ADGRD1: variants seen among roughly 807,000 people sequenced by gnomAD.
The protein encoded by ADGRD1 is adhesion G protein-coupled receptor D1.
In ADGRD1, 77 loss-of-function variants were observed where a neutral mutation model predicts 113.4. The observed-to-expected ratio is 0.68, with a 90% CI of 0.57 to 0.82. ADGRD1 has a LOEUF of 0.82. ADGRD1 is among the 40% of genes least tolerant of loss of function. The probability of loss-of-function intolerance (pLI) is 0.00; values close to 1 mark genes in which losing one functional copy is unlikely to be tolerated. For synonymous variants in ADGRD1, 474 were observed against 475.0 expected (o/e 1.00, Z 0.03); for missense variants, 1,036 against 1,139.1 (o/e 0.91, Z 1.30).
At chr12:131,034,705 C>T (rs771141507) in intron 13 of ADGRD1, among the ~76,000 whole-genome samples, 18 of 152,290 alleles carry the variant, frequency 1.2e-4, no homozygotes, top group Admixed American at 5.2e-4. Context: ...GGCTAGGACA[C>T]GGTGGTGGCC....
chr12:131,090,781 C>T (rs902468586), intron 15 of ADGRD1, among the ~76,000 whole-genome samples: 5 of 152,224 alleles, frequency 3.3e-5, no homozygotes, highest in Non-Finnish European at 1.5e-5. Flanking sequence ...AGTGCATGAC[C>T]CTGCACATGC....
In ADGRD1 at chr12:131,041,809, G is replaced by A. The variant is rs1323785361; in HGVS notation, c.1473+27469G>A. On this transcript the variant is annotated intron_variant, in intron 13 of 24. Transcript: ENST00000261654. The surrounding 1 kb of genome is among the most constrained non-coding windows in gnomAD (Gnocchi z 4.4). ...TGGGAAGCACATTCTCCCTCTTCTG[G>A]GGTCTTTGCCCACGTCACATTCCCT... Among the ~76,000 whole-genome samples, 1 of 152,192 alleles carries A rather than the reference G, an allele frequency of 6.6e-6. No homozygotes were observed. Among genetic ancestry groups the A allele is most frequent in the Non-Finnish European group, 1.5e-5 (1 of 68,026 alleles).
intron 13 of ADGRD1, among the ~76,000 whole-genome samples, chr12:131,073,491 TTTAC>T (rs1224077590): frequency 3.9e-5 from 6 of 152,224 alleles, no homozygotes; most frequent in African/African-American, 1.2e-4. Context: ...CTTATATTGC[TTTAC>T]TTACCATCAA....
At position 130,966,442 on chromosome 12, in the gene ADGRD1, T is replaced by A; in HGVS notation, c.104-21T>A. The A allele has an allele frequency of 6.5e-7, 1 of 1,541,408 alleles. No homozygotes were observed. The highest frequency in any genetic ancestry group is 9.0e-7 in the Non-Finnish European group (1 of 1,114,096). ...TTCCTCTCTAATGATGATTTAAAAT[T>A]TTTATTCTTTTTTCCCCAAGGATTT... On this transcript the variant is annotated intron_variant, in intron 2 of 24. Transcript: ENST00000261654. This position sits in a 1 kb window ranked among gnomAD's most constrained non-coding sequence, Gnocchi z 4.6.
intron 20 of ADGRD1, among the ~76,000 whole-genome samples, chr12:131,124,378 G>A (rs1307827469): frequency 1.3e-5 from 2 of 152,260 alleles, no homozygotes; most frequent in Non-Finnish European, 2.9e-5. Context: ...TCCCTAAGGA[G>A]AGGTTTGGGT....
rs1884191012 is a variant in ADGRD1 at position 131,060,101 on chromosome 12, C to G, written c.1474-16700C>G. On this transcript the variant is annotated intron_variant, in intron 13 of 24. Coordinates refer to ENST00000261654, the MANE Select transcript of ADGRD1 (RefSeq NM_198827.5). This position sits in a 1 kb window ranked among gnomAD's most constrained non-coding sequence, Gnocchi z 4.4. ...AAGTCCGAGTGCCTGCTCTGTGTCC[C>G]TTGGAGTCCTGGTGAGGGCTGGGTG... is the stretch of plus-strand genomic sequence containing the variant. Among the ~76,000 whole-genome samples, 1 of 152,268 alleles carries G rather than the reference C, an allele frequency of 6.6e-6. No individual in the cohort carries two copies. Among genetic ancestry groups the G allele is most frequent in the African/African-American group, 2.4e-5 (1 of 41,476 alleles).
Position 131,046,556 on chromosome 12 carries a change from C to G in ADGRD1, c.1474-30245C>G, listed in dbSNP as rs1455242617. On this transcript the variant is annotated intron_variant, in intron 13 of 24. Coordinates refer to ENST00000261654, the MANE Select transcript of ADGRD1 (RefSeq NM_198827.5). Reference sequence around the variant, plus strand: ...TCCCTGATCAGTGCCCCCTCCCTGGCCAGTGTCCTCCCTGGTGAGTGCTCC... The same window carrying G: ...TCCCTGATCAGTGCCCCCTCCCTGGGCAGTGTCCTCCCTGGTGAGTGCTCC... Among the ~76,000 whole-genome samples the G allele has an allele frequency of 3.4e-3, 301 of 88,582 alleles. 7 individuals carry two copies. Among genetic ancestry groups the G allele is most frequent in the African/African-American group, 0.015 (270 of 17,886 alleles). The allele number at this position is 88,582 out of a possible 152,430, so 58.1% of individuals were successfully genotyped here.
At chr12:130,978,419 A>G (rs1380646310) in intron 4 of ADGRD1, 1 of 152,204 alleles carries the variant, frequency 6.6e-6, no homozygotes, top group African/African-American at 2.4e-5. Context: ...TTATAACAAG[A>G]AAAAATTATC....
rs1276923669 is a variant in ADGRD1, at chr12:130,972,277, T to C, written c.310+697T>C. On this transcript the variant is annotated intron_variant, in intron 4 of 24. Coordinates refer to ENST00000261654, the MANE Select transcript of ADGRD1 (RefSeq NM_198827.5). ...TCCAAACCAGCTTGGAGCCTTCAAGTTCCTTTCTCCTAGGCAAAATGAAAG... is the reference window on the plus strand; with the variant it reads ...TCCAAACCAGCTTGGAGCCTTCAAGCTCCTTTCTCCTAGGCAAAATGAAAG... Among the ~76,000 whole-genome samples, 3 of 152,200 alleles carry C rather than the reference T, an allele frequency of 2.0e-5. No homozygotes were observed. In the East Asian group the frequency reaches 5.8e-4, roughly 29 times the overall value.
chr12:131,125,420 A>T (rs1950717340), intron 20 of ADGRD1, among the ~76,000 whole-genome samples: 1 of 152,128 alleles, frequency 6.6e-6, no homozygotes, highest in Non-Finnish European at 1.5e-5. Flanking sequence ...GAAGAGAAGG[A>T]GTCTCTGATT....
At chr12:131,014,110 G>T in intron 12 of ADGRD1, 89 bp from the exon 13 acceptor site, 1 of 1,283,010 alleles carries the variant, frequency 7.8e-7, no homozygotes. Context: ...CAATAGTTTT[G>T]GGTGGAACGC....
Position 131,084,723 on chromosome 12 carries a change from G to C in ADGRD1, c.1671+60G>C, listed in dbSNP as rs1002003540. ...GGGACGTACCATGAGGCTGCAGGTG[G>C]GGGCGGGAGGATGCTTTGCCCGCCA... On this transcript the variant is annotated intron_variant, in intron 15 of 24. Transcript: ENST00000261654. The surrounding 1 kb of genome is among the most constrained non-coding windows in gnomAD (Gnocchi z 4.5). 2.2e-5 allele frequency: 35 copies of C among 1,584,690 alleles called. No individual in the cohort carries two copies. In the East Asian group the frequency reaches 3.2e-4, roughly 15 times the overall value.
chr12:131,136,043 A>T lies in ADGRD1; in HGVS notation c.2274A>T (p.Thr758=), dbSNP rs868158. 1 of 1,613,502 alleles carries T rather than the reference A, an allele frequency of 6.2e-7. No individual in the cohort carries two copies. The highest frequency in any genetic ancestry group is 1.3e-5 in the African/African-American group (1 of 74,906). ...IHGDPSAFKL[T]AKAVAVLLPI... Reference sequence around the variant, plus strand: ...TGTCACTGTTTCTCTCCAGGTTGACAGCCAAGGCAGTGGCCGTGCTGCTGC... The same window carrying T: ...TGTCACTGTTTCTCTCCAGGTTGACTGCCAAGGCAGTGGCCGTGCTGCTGC... The change falls in exon 22 of 25, where the codon ACA becomes ACT. Residue 758 remains threonine, a synonymous_variant. Transcript: ENST00000261654.
intron 8 of ADGRD1, among the ~76,000 whole-genome samples, chr12:130,992,733 T>TG (rs1304671917): frequency 6.6e-6 from 1 of 152,226 alleles, no homozygotes; most frequent in Non-Finnish European, 1.5e-5. Context: ...AGGTAAAAGG[T>TG]GGAGAGGCCT....
intron 13 of ADGRD1, among the ~76,000 whole-genome samples, chr12:131,020,776 C>A (rs150252123): frequency 6.6e-6 from 1 of 152,234 alleles, no homozygotes; most frequent in African/African-American, 2.4e-5. Flanking sequence ...ACTAGGCCCT[C>A]CTCTAGGTGT....
chr12:131,009,261 G>A (rs1182582036), intron 12 of ADGRD1, among the ~76,000 whole-genome samples: 4 of 152,256 alleles, frequency 2.6e-5, no homozygotes, highest in Admixed American at 2.6e-4. Flanking sequence ...CGCCCCTCAC[G>A]AGGAAGCAGT....
chr12:131,100,827 A>T (rs548933875), intron 15 of ADGRD1, among the ~76,000 whole-genome samples: 45 of 152,282 alleles, frequency 3.0e-4, no homozygotes, highest in Non-Finnish European at 5.7e-4. Flanking sequence ...GCCCACTGGA[A>T]CCTCACTGCA....
intron 13 of ADGRD1, among the ~76,000 whole-genome samples, chr12:131,059,853 A>T (rs1290354479): frequency 6.6e-6 from 1 of 151,710 alleles, no homozygotes. Context: ...AGTTAATTTC[A>T]CTGTCTGCAT....
At chr12:131,059,489 G>C (rs1361939011) in intron 13 of ADGRD1, among the ~76,000 whole-genome samples, 1 of 152,116 alleles carries the variant, frequency 6.6e-6, no homozygotes, top group African/African-American at 2.4e-5. Context: ...CCCATCCATT[G>C]AGATTTTGAT....
Sources: gnomAD v4.1 joint callset for allele counts (sites outside exome capture counted in the v4.1 genomes callset) on GRCh38, gnomAD v4.1.1 for gene constraint, Gnocchi (gnomAD v3.1) non-coding constraint, MANE v1.5 for transcripts, NCBI Gene and HGNC (gene_info 2026-07-23, HGNC 2026-07-21) for gene names.